The following PTPRD variants were observed in gnomAD, a reference collection of about 807,000 sequenced individuals.
PTPRD encodes the protein protein tyrosine phosphatase receptor type D.
PTPRD carries 34 observed loss-of-function variants against 214.5 expected under a neutral mutation model. The observed-to-expected ratio is 0.16, with a 90% CI of 0.12 to 0.21. The LOEUF is 0.21. Ranked by LOEUF, PTPRD falls within the 10% of genes least tolerant of loss-of-function variation. The pLI is 1.00. For missense variants in PTPRD, 2,545 were observed against 2,398.7 expected, an observed-to-expected ratio of 1.06 and a Z score of -1.27; for synonymous variants, 1,128 against 845.7, an observed-to-expected ratio of 1.33 and a Z score of -5.79.
intron 11 of PTPRD, among the ~76,000 whole-genome samples, chr9:8,835,390 T>C (rs956497571): frequency 3.3e-5 from 5 of 152,240 alleles, no homozygotes; most frequent in Non-Finnish European, 4.4e-5. Flanking sequence ...AGGTCTCTAC[T>C]AAACTCTTCT....
chr9:10,135,706 T>C (rs944059834), intron 3 of PTPRD, among the ~76,000 whole-genome samples: 4 of 152,066 alleles, frequency 2.6e-5, no homozygotes, highest in African/African-American at 4.8e-5. Context: ...ACTAGACTAG[T>C]ATTACAAGAG....
intron 8 of PTPRD, among the ~76,000 whole-genome samples, chr9:9,546,081 C>T (rs973718965): frequency 1.3e-5 from 2 of 151,350 alleles, no homozygotes; most frequent in Admixed American, 6.6e-5. Context: ...TCTCAATTTC[C>T]ACTTGTTTAT....
intron 3 of PTPRD, among the ~76,000 whole-genome samples, chr9:10,163,975 T>A (rs58326958): frequency 6.6e-6 from 1 of 151,460 alleles, no homozygotes; most frequent in Non-Finnish European, 1.5e-5. Flanking sequence ...GTAGTCTATA[T>A]GGCAATGAAC....
At chr9:9,949,201 T>C (rs931413208) in intron 4 of PTPRD, among the ~76,000 whole-genome samples, 10 of 152,150 alleles carry the variant, frequency 6.6e-5, no homozygotes, top group African/African-American at 2.4e-4. Context: ...TTAATGTTTA[T>C]GAGTTTCTCA....
chr9:8,489,824 G>A (rs540112255), intron 27 of PTPRD, among the ~76,000 whole-genome samples: 1 of 152,294 alleles, frequency 6.6e-6, no homozygotes, highest in South Asian at 2.1e-4. Flanking sequence ...TGCATTCCTG[G>A]CTTCCAGAAA....
chr9:8,882,024 A>G (rs1438681268), intron 11 of PTPRD, among the ~76,000 whole-genome samples: 1 of 152,204 alleles, frequency 6.6e-6, no homozygotes, highest in Non-Finnish European at 1.5e-5. Context: ...AGTGGAGAAG[A>G]GAAGAGCTCT....
chr9:8,964,580 T>G (rs988859506), intron 11 of PTPRD, among the ~76,000 whole-genome samples: 1 of 152,070 alleles, frequency 6.6e-6, no homozygotes, highest in Non-Finnish European at 1.5e-5. Flanking sequence ...TTTAGTTATT[T>G]CTTTCATTCT....
intron 11 of PTPRD, among the ~76,000 whole-genome samples, chr9:8,856,536 T>C (rs572496761): frequency 6.6e-6 from 1 of 151,202 alleles, no homozygotes; most frequent in Admixed American, 6.6e-5. Flanking sequence ...TCTTTGCACA[T>C]GTAAATATAT....
intron 8 of PTPRD, among the ~76,000 whole-genome samples, chr9:9,408,833 T>C (rs1235346024): frequency 1.3e-5 from 2 of 151,882 alleles, no homozygotes; most frequent in Admixed American, 1.3e-4. Context: ...TTCTCAGTAA[T>C]CATATTTTCT....
chr9:8,437,257 G>T (rs1306436673), intron 34 of PTPRD: 4 of 1,495,848 alleles, frequency 2.7e-6, no homozygotes, highest in Non-Finnish European at 3.6e-6. Context: ...GGAAATGATG[G>T]TGTAAATAAA....
intron 3 of PTPRD, among the ~76,000 whole-genome samples, chr9:10,057,900 A>G (rs2097689018): frequency 6.6e-6 from 1 of 152,078 alleles, no homozygotes; most frequent in Non-Finnish European, 1.5e-5. Context: ...CAGGACTTGA[A>G]GAAGCACACC....
At position 8,827,428 on chromosome 9, in the gene PTPRD, G is replaced by A. The variant is rs1241531798; in HGVS notation, c.-103-93482C>T. Among the ~76,000 whole-genome samples, 6 of 152,146 alleles carry A rather than the reference G, an allele frequency of 3.9e-5. No individual in the cohort carries two copies. The East Asian group carries it at 9.7e-4, about 24-fold the overall frequency. On this transcript the variant is annotated intron_variant, in intron 11 of 45. Coordinates refer to ENST00000381196, the MANE Select transcript of PTPRD (RefSeq NM_002839.4). Reference sequence around the variant, plus strand: ...TCAAAACCAGCCTGGGCAACATGGTGAAACCCCATCTCTACTAAAAATACA... The same window carrying A: ...TCAAAACCAGCCTGGGCAACATGGTAAAACCCCATCTCTACTAAAAATACA...
At chr9:8,367,227 C>T (rs375986846) in intron 39 of PTPRD, among the ~76,000 whole-genome samples, 5 of 149,988 alleles carry the variant, frequency 3.3e-5, no homozygotes, top group African/African-American at 1.0e-4. Context: ...TTCAAATAAG[C>T]ATTTTTTTTT....
At chr9:9,754,427 C>T (rs189171891) in intron 6 of PTPRD, among the ~76,000 whole-genome samples, 5 of 151,990 alleles carry the variant, frequency 3.3e-5, no homozygotes, top group Admixed American at 3.3e-4. Context: ...GTCACTGACT[C>T]GGTGACCCTC....
intron 10 of PTPRD, among the ~76,000 whole-genome samples, chr9:9,164,028 C>T (rs895764409): frequency 6.6e-6 from 1 of 152,136 alleles, no homozygotes; most frequent in Non-Finnish European, 1.5e-5. Flanking sequence ...TTATGTACTT[C>T]CCTTATCATA....
At chr9:10,455,099 C>T (rs550531343) in intron 2 of PTPRD, among the ~76,000 whole-genome samples, 35 of 151,776 alleles carry the variant, frequency 2.3e-4, no homozygotes, top group Middle Eastern at 3.4e-3. Context: ...TTTTCTGTCT[C>T]CCCACATTTT....
At chr9:9,185,303 C>T (rs1347451724) in intron 9 of PTPRD, among the ~76,000 whole-genome samples, 1 of 152,068 alleles carries the variant, frequency 6.6e-6, no homozygotes, top group Non-Finnish European at 1.5e-5. Context: ...AATATCAAAT[C>T]TCAGTCAGCA....
At chr9:8,772,253 A>G (rs2095260565) in intron 11 of PTPRD, among the ~76,000 whole-genome samples, 1 of 152,058 alleles carries the variant, frequency 6.6e-6, no homozygotes, top group African/African-American at 2.4e-5. Context: ...TTCTTCTGTA[A>G]TGTCTTGTTG....
At chr9:8,761,577 G>GTTCTT (rs2094417783) in intron 11 of PTPRD, among the ~76,000 whole-genome samples, 1 of 152,172 alleles carries the variant, frequency 6.6e-6, no homozygotes, top group Non-Finnish European at 1.5e-5. Flanking sequence ...GCAAAGGTTA[G>GTTCTT]TAGAAAGAAC....
Sources: gnomAD v4.1 joint callset for allele counts (sites outside exome capture counted in the v4.1 genomes callset) on GRCh38, gnomAD v4.1.1 for gene constraint, MANE v1.5 for transcripts, NCBI Gene and HGNC (gene_info 2026-07-23, HGNC 2026-07-21) for gene names.